Variants in STARD13 observed in about 807,000 individuals in gnomAD.
STARD13 encodes stAR-related lipid transfer protein 13.
In STARD13, 62 loss-of-function variants were observed where a neutral mutation model predicts 106.4. The ratio of observed to expected loss-of-function variants is 0.58; its 90% CI spans 0.48 to 0.72. The LOEUF (loss-of-function observed/expected upper bound fraction) is 0.72, where lower values mean the gene tolerates loss of function less well. Ranked by LOEUF, STARD13 falls within the 30% of genes least tolerant of loss-of-function variation. The pLI is 0.00. For synonymous variants in STARD13, 565 were observed against 553.0 expected, an observed-to-expected ratio of 1.02 and a Z score of -0.31; for missense variants, 1,387 against 1,424.0, an observed-to-expected ratio of 0.97 and a Z score of 0.42.
chr13:33,452,781 C>T, the STARD13 span, among the ~76,000 whole-genome samples: 22 of 152,314 alleles, frequency 1.4e-4, no homozygotes, highest in East Asian at 4.2e-3. Context: ...CTAGACTGGG[C>T]ACCTGATATG....
intron 4 of STARD13, among the ~76,000 whole-genome samples, chr13:33,134,866 T>C (rs1315675049): frequency 6.6e-6 from 1 of 152,198 alleles, no homozygotes; most frequent in Non-Finnish European, 1.5e-5. Context: ...CGAACATAGT[T>C]CAACAGCCCT....
the STARD13 span, among the ~76,000 whole-genome samples, chr13:33,358,937 ACT>A: frequency 7.2e-5 from 11 of 151,966 alleles, no homozygotes; most frequent in East Asian, 1.9e-3. Context: ...GTGTGTGGAA[ACT>A]CTGTATCTAA....
chr13:33,367,101 C>T, the STARD13 span, among the ~76,000 whole-genome samples: 1 of 152,162 alleles, frequency 6.6e-6, no homozygotes, highest in Non-Finnish European at 1.5e-5. Flanking sequence ...GCATTAACAG[C>T]ATGCACATTC....
At chr13:33,592,220 C>T in the STARD13 span, among the ~76,000 whole-genome samples, 2 of 152,240 alleles carry the variant, frequency 1.3e-5, no homozygotes, top group Middle Eastern at 3.4e-3. Context: ...CAAATTCTGC[C>T]TTAAAATATA....
intron 7 of STARD13, among the ~76,000 whole-genome samples, chr13:33,122,648 G>A (rs1170265967): frequency 6.6e-6 from 1 of 152,224 alleles, no homozygotes; most frequent in Non-Finnish European, 1.5e-5. Flanking sequence ...CATCTCTCTT[G>A]TATGTGATCT....
At chr13:33,622,391 A>G in the STARD13 span, among the ~76,000 whole-genome samples, 1 of 152,114 alleles carries the variant, frequency 6.6e-6, no homozygotes, top group Non-Finnish European at 1.5e-5. Flanking sequence ...TAATCCCAAC[A>G]CTTTGGGAGG....
chr13:33,660,678 G>A, the STARD13 span, among the ~76,000 whole-genome samples: 1 of 152,124 alleles, frequency 6.6e-6, no homozygotes, highest in Non-Finnish European at 1.5e-5. Flanking sequence ...TGAACTCCTG[G>A]GCTCAAGTCA....
chr13:33,362,744 T>G, the STARD13 span, among the ~76,000 whole-genome samples: 1 of 152,228 alleles, frequency 6.6e-6, no homozygotes, highest in Non-Finnish European at 1.5e-5. Flanking sequence ...CAAACTTCAC[T>G]AAACTCTGAC....
At chr13:33,176,635 A>G (rs988898949) in intron 1 of STARD13, among the ~76,000 whole-genome samples, 1 of 152,188 alleles carries the variant, frequency 6.6e-6, no homozygotes, top group Non-Finnish European at 1.5e-5. Flanking sequence ...CAGGTATTTG[A>G]AATAGCTTTA....
At chr13:33,249,575 C>T (rs772665765) in intron 1 of STARD13, among the ~76,000 whole-genome samples, 27 of 152,112 alleles carry the variant, frequency 1.8e-4, no homozygotes, top group African/African-American at 3.4e-4. Context: ...CTGCAACAAT[C>T]GTACAATGCA....
the STARD13 span, among the ~76,000 whole-genome samples, chr13:33,643,720 G>T: frequency 2.6e-5 from 4 of 152,222 alleles, no homozygotes; most frequent in African/African-American, 9.6e-5. Context: ...TCCCCCCAGC[G>T]CCTCTCTCAC....
intron 1 of STARD13, among the ~76,000 whole-genome samples, chr13:33,331,369 G>GTTTT (rs2077834189): frequency 6.6e-6 from 1 of 151,702 alleles, no homozygotes; most frequent in Non-Finnish European, 1.5e-5. Context: ...GTTTTGTTTT[G>GTTTT]AGGTGGGGTT....
intron 1 of STARD13, among the ~76,000 whole-genome samples, chr13:33,263,551 A>G: frequency 6.6e-6 from 1 of 152,142 alleles, no homozygotes; most frequent in East Asian, 1.9e-4. Flanking sequence ...GAGTGGGAGT[A>G]TGTTCTTCTT....
chr13:33,560,280 A>G, the STARD13 span, among the ~76,000 whole-genome samples: 1 of 151,588 alleles, frequency 6.6e-6, no homozygotes, highest in African/African-American at 2.4e-5. Flanking sequence ...TGGAACTTCA[A>G]ATTGGTCTGA....
chr13:33,627,130 G>C, the STARD13 span, among the ~76,000 whole-genome samples: 13,094 of 152,154 alleles, frequency 0.086, 1,273 homozygotes, highest in African/African-American at 0.24. Flanking sequence ...CTTAAATCTA[G>C]ACAGTGTTAG....
At chr13:33,340,354 G>A (rs1444750311) in intron 1 of STARD13, among the ~76,000 whole-genome samples, 3 of 151,790 alleles carry the variant, frequency 2.0e-5, no homozygotes, top group Admixed American at 6.6e-5. Context: ...GGACAGGCAC[G>A]TGACACCATG....
At chr13:33,545,807 C>A in the STARD13 span, among the ~76,000 whole-genome samples, 16 of 152,330 alleles carry the variant, frequency 1.1e-4, no homozygotes, top group Admixed American at 9.1e-4. Flanking sequence ...TCTCCTTCAC[C>A]TTCACCCACA....
the STARD13 span, among the ~76,000 whole-genome samples, chr13:33,423,309 A>C: frequency 7.7e-3 from 1,170 of 152,366 alleles, 18 homozygotes; most frequent in African/African-American, 0.027. Context: ...TTCTCAAAAG[A>C]AGACATTTAT....
chr13:33,360,727 C>CCTTCTGTGTAGATAGAAGGA, the STARD13 span, among the ~76,000 whole-genome samples: 1 of 6,180 alleles, frequency 1.6e-4, no homozygotes, highest in Non-Finnish European at 3.5e-4. Flanking sequence ...GACAGAAGGA[C>CCTTCTGTGTAGATAGAAGGA]ATATTGTTGA....
Sources: allele counts gnomAD v4.1 joint callset (sites outside exome capture counted in the v4.1 genomes callset), GRCh38; gene constraint gnomAD v4.1.1; transcripts MANE v1.5; gene names NCBI Gene and HGNC (gene_info 2026-07-23, HGNC 2026-07-21).